PDE11A: variants seen among roughly 807,000 people sequenced by gnomAD.
The protein encoded by PDE11A is dual 3',5'-cyclic-AMP and -GMP phosphodiesterase 11A.
PDE11A carries 100 observed loss-of-function variants against 100.5 expected under a neutral mutation model. That is an observed-to-expected ratio of 1.00 (90% CI 0.85 to 1.18). The LOEUF is 1.18. PDE11A is among the 50% of genes most tolerant of loss of function. The pLI is 0.00. For synonymous variants in PDE11A, 381 were observed against 420.8 expected, an observed-to-expected ratio of 0.91 and a Z score of 1.16; for missense variants, 1,141 against 1,152.6, an observed-to-expected ratio of 0.99 and a Z score of 0.15.
intron 9 of PDE11A, among the ~76,000 whole-genome samples, chr2:177,801,779 A>T (rs1283688386): frequency 6.6e-6 from 1 of 152,138 alleles, no homozygotes; most frequent in African/African-American, 2.4e-5. Context: ...AGTACAATAT[A>T]TTCTTGATTT....
chr2:177,814,443 G>A (rs567124665), intron 9 of PDE11A, among the ~76,000 whole-genome samples: 1 of 152,208 alleles, frequency 6.6e-6, no homozygotes, highest in East Asian at 1.9e-4. Context: ...CCAGGGAGCG[G>A]GGTGGATGCC....
rs1352674242 is a variant in PDE11A at position 177,788,605 on chromosome 2, T to G, written c.1738-19232A>C. 5.5e-3 allele frequency among the ~76,000 whole-genome samples: 827 copies of G among 151,340 alleles called. 8 individuals carry two copies. The highest frequency in any genetic ancestry group is 0.019 in the African/African-American group (771 of 41,246). On this transcript the variant is annotated intron_variant, in intron 9 of 19. Transcript: ENST00000286063. ...AAAAATTAATGAATCCAGGAGCTGG[T>G]TTTTTCAAAGGATCAACAAAATTGA...
chr2:177,996,239 A>AAAAG (rs1369196546), intron 2 of PDE11A, among the ~76,000 whole-genome samples: 158 of 152,056 alleles, frequency 1.0e-3, no homozygotes, highest in African/African-American at 3.5e-3. Context: ...AATAAAAAAA[A>AAAAG]AAAAAGAAAA....
chr2:178,107,761 G>T (rs1350676683), intron 1 of PDE11A, among the ~76,000 whole-genome samples: 2 of 134,012 alleles, frequency 1.5e-5, no homozygotes, highest in South Asian at 2.3e-4. Context: ...TCACTCTGTC[G>T]CCCAGGCCGG....
chr2:177,938,962 C>G (rs2085310675), intron 2 of PDE11A, among the ~76,000 whole-genome samples: 1 of 152,158 alleles, frequency 6.6e-6, no homozygotes, highest in Non-Finnish European at 1.5e-5. Flanking sequence ...AACAAGATGG[C>G]CAGTGGCACA....
At chr2:178,071,488 A>G (rs555303361) in intron 1 of PDE11A, 38 bp downstream of exon 1, 8 of 1,612,562 alleles carry the variant, frequency 5.0e-6, no homozygotes, top group South Asian at 2.2e-5. Context: ...TCCCAAGCCA[A>G]TGGGGCTCTG....
At chr2:178,022,649 A>C (rs543499451) in intron 1 of PDE11A, among the ~76,000 whole-genome samples, 6 of 152,164 alleles carry the variant, frequency 3.9e-5, no homozygotes, top group Non-Finnish European at 8.8e-5. Flanking sequence ...AGGACTAGTA[A>C]GAAGGCAAAA....
Position 177,833,682 on chromosome 2 carries a change from C to A in PDE11A, c.1500+6569G>T, listed in dbSNP as rs1394848716. 2.0e-5 allele frequency among the ~76,000 whole-genome samples: 3 copies of A among 152,192 alleles called. No individual in the cohort carries two copies. In the South Asian group the frequency reaches 6.2e-4, roughly 32 times the overall value. On this transcript the variant is annotated intron_variant, in intron 6 of 19. Transcript: ENST00000286063. ...TATGAAATCCCAGAATAGGGCCAAT[C>A]CATTTTGGGGCATTCTATCCCAGTT...
At chr2:177,729,052 T>C (rs185279074) in intron 10 of PDE11A, among the ~76,000 whole-genome samples, 54 of 152,252 alleles carry the variant, frequency 3.5e-4, no homozygotes, top group Admixed American at 3.5e-3. Context: ...TTCCTATCTA[T>C]TCACTGGGTT....
chr2:177,696,436 A>C (rs1049030105), intron 15 of PDE11A, among the ~76,000 whole-genome samples: 4 of 152,160 alleles, frequency 2.6e-5, no homozygotes, highest in African/African-American at 4.8e-5. Context: ...GGAGAGTAGA[A>C]ATTAATAATA....
intron 4 of PDE11A, among the ~76,000 whole-genome samples, chr2:177,883,509 C>T (rs1244949607): frequency 1.3e-5 from 2 of 152,068 alleles, no homozygotes; most frequent in African/African-American, 2.4e-5. Flanking sequence ...TGTTTCACCA[C>T]AATGTATGTC....
At chr2:178,074,079 G>A (rs1338468048), upstream of PDE11A, among the ~76,000 whole-genome samples, 1 of 152,058 alleles carries the variant, frequency 6.6e-6, no homozygotes, top group African/African-American at 2.4e-5. Flanking sequence ...GCTAGTACTC[G>A]AATGAAGCTT....
chr2:178,054,429 T>G lies in PDE11A; in HGVS notation c.912+17097A>C, dbSNP rs560253091. On this transcript the variant is annotated intron_variant, in intron 1 of 19. Coordinates refer to ENST00000286063, the MANE Select transcript of PDE11A (RefSeq NM_016953.4). ...AACCTAGGCAATACCATTCAGGACA[T>G]AGGCATGGGCAAGGACTTCATGTCT... Among the ~76,000 whole-genome samples, 203 of 152,304 alleles carry G rather than the reference T, an allele frequency of 1.3e-3. 1 individual carries two copies. The highest frequency in any genetic ancestry group is 0.01 in the Middle Eastern group (3 of 294).
chr2:177,897,272 C>A (rs2084625573), intron 4 of PDE11A, among the ~76,000 whole-genome samples: 1 of 152,170 alleles, frequency 6.6e-6, no homozygotes, highest in Admixed American at 6.5e-5. Flanking sequence ...ATTATTATTT[C>A]AATATTGTTG....
At chr2:177,739,326 G>A (rs2081838900) in intron 10 of PDE11A, among the ~76,000 whole-genome samples, 1 of 152,170 alleles carries the variant, frequency 6.6e-6, no homozygotes, top group Admixed American at 6.5e-5. Context: ...GTAGCTAATG[G>A]CAATAGTAGG....
At chr2:177,746,117 A>G (rs921074672) in intron 10 of PDE11A, among the ~76,000 whole-genome samples, 2 of 152,224 alleles carry the variant, frequency 1.3e-5, no homozygotes, top group African/African-American at 4.8e-5. Context: ...GGGTAGACAG[A>G]AGACAATTTG....
At chr2:178,014,524 G>T in intron 1 of PDE11A, 64 bp from the exon 2 acceptor site, 1 of 1,334,992 alleles carries the variant, frequency 7.5e-7, no homozygotes. Context: ...AGGAGAGAGA[G>T]GTTTATTTCT....
chr2:177,990,772 AGCGTG>A lies in PDE11A; in HGVS notation c.1071+23525_1071+23529del, dbSNP rs1182895327. ...AAAAAGGAAAAAAAAGGCGGAGGGT[AGCGTG>A]GTGGCTCATGCCTGTAATCCTAGCA... On this transcript the variant is annotated intron_variant, in intron 2 of 19. Transcript: ENST00000286063. 2.8e-5 allele frequency among the ~76,000 whole-genome samples: 4 copies of A among 140,910 alleles called. 1 individual carries two copies. The highest frequency in any genetic ancestry group is 1.1e-4 in the African/African-American group (4 of 37,858). The allele number at this position is 140,910 out of a possible 152,430, so 92.4% of individuals were successfully genotyped here.
intron 1 of PDE11A, among the ~76,000 whole-genome samples, chr2:178,019,528 TA>T (rs939412634): frequency 1.3e-5 from 2 of 152,122 alleles, no homozygotes; most frequent in Admixed American, 6.5e-5. Flanking sequence ...CTCTTTTATG[TA>T]AAAAAAGCCC....
Sources: allele counts gnomAD v4.1 joint callset (sites outside exome capture counted in the v4.1 genomes callset), GRCh38; gene constraint gnomAD v4.1.1; transcripts MANE v1.5; gene names NCBI Gene and HGNC (gene_info 2026-07-23, HGNC 2026-07-21).